The following PPP4R1 variants were observed in gnomAD, a reference collection of about 807,000 sequenced individuals.
PPP4R1 encodes protein phosphatase 4 regulatory subunit 1.
PPP4R1 carries 42 observed loss-of-function variants against 111.2 expected under a neutral mutation model. That is an observed-to-expected ratio of 0.38 (90% CI 0.29 to 0.49). PPP4R1 has a LOEUF of 0.49. Among genes scored for constraint, PPP4R1 ranks in the 20% least tolerant of loss-of-function variants. The pLI, the probability that PPP4R1 is intolerant of heterozygous loss-of-function variation, is 0.97. For missense variants in PPP4R1, 1,012 were observed against 1,161.6 expected (o/e 0.87, Z 1.87); for synonymous variants, 409 against 405.5 (o/e 1.01, Z -0.10).
chr18:9,563,112 T>G, intron 12 of PPP4R1: 1 of 1,151,330 alleles, frequency 8.7e-7, no homozygotes, highest in Non-Finnish European at 1.1e-6. Flanking sequence ...TAAGACTATT[T>G]CACTGCAGTG....
intron 10 of PPP4R1, among the ~76,000 whole-genome samples, chr18:9,572,231 G>C (rs1867606299): frequency 6.6e-6 from 1 of 152,168 alleles, no homozygotes; most frequent in African/African-American, 2.4e-5. Context: ...AACTCAGAAA[G>C]ATGTGTGGGG....
At chr18:9,615,982 A>G (rs1435172657), upstream of PPP4R1, among the ~76,000 whole-genome samples, 8 of 152,250 alleles carry the variant, frequency 5.3e-5, no homozygotes, top group Non-Finnish European at 1.2e-4. Flanking sequence ...AATAAAAATC[A>G]GAATAGACCC....
chr18:9,559,512 A>C lies in PPP4R1; in HGVS notation c.1935T>G (p.Cys645Trp). 6.2e-7 allele frequency: 1 copy of C among 1,613,984 alleles called. No homozygotes were observed. The highest frequency in any genetic ancestry group is 8.5e-7 in the Non-Finnish European group (1 of 1,179,928). The change falls in exon 14 of 20, where the codon TGT becomes TGG. Residue 645 changes from cysteine to tryptophan, a missense_variant. By Grantham distance (215) the Cys-to-Trp change is radical. Coordinates refer to ENST00000400556, the MANE Select transcript of PPP4R1 (RefSeq NM_001042388.3). Reference sequence around the variant, plus strand: ...AGGCCACACCAGGGAGGCTATATGCACAGTGCTTAGCAATTTCAGTGTCAA... The same window carrying C: ...AGGCCACACCAGGGAGGCTATATGCCCAGTGCTTAGCAATTTCAGTGTCAA... Reference protein sequence around the residue: ...QTVDTEIAKHCAYSLPGVALT... With the variant: ...QTVDTEIAKHWAYSLPGVALT...
intron 14 of PPP4R1, among the ~76,000 whole-genome samples, chr18:9,557,802 C>A (rs1410534163): frequency 6.6e-6 from 1 of 152,150 alleles, no homozygotes; most frequent in Non-Finnish European, 1.5e-5. Flanking sequence ...TAAGCTCTTC[C>A]ATACATAATT....
At chr18:9,607,433 A>C (rs1341715420) in intron 2 of PPP4R1, among the ~76,000 whole-genome samples, 2 of 152,132 alleles carry the variant, frequency 1.3e-5, no homozygotes, top group African/African-American at 4.8e-5. Context: ...ATGATGGTCC[A>C]TCTGCCTTTG....
At chr18:9,588,358 T>TTC in intron 5 of PPP4R1, 123 bp from the exon 6 acceptor site, 1 of 1,044,110 alleles carries the variant, frequency 9.6e-7, no homozygotes, top group Non-Finnish European at 1.4e-6. Context: ...ACTCCGCAAA[T>TTC]AAATATTTGT....
chr18:9,612,303 A>C (rs1196078769), intron 2 of PPP4R1, among the ~76,000 whole-genome samples: 1 of 152,222 alleles, frequency 6.6e-6, no homozygotes, highest in Non-Finnish European at 1.5e-5. Flanking sequence ...TGAGTTGCCC[A>C]AGTCTGCCCA....
chr18:9,580,160 C>T (rs1358755152), intron 9 of PPP4R1, among the ~76,000 whole-genome samples: 2 of 152,098 alleles, frequency 1.3e-5, no homozygotes, highest in African/African-American at 4.8e-5. Flanking sequence ...ATGCAAAGGT[C>T]CTGAGATTGA....
At chr18:9,557,753 C>T (rs747958450) in intron 14 of PPP4R1, among the ~76,000 whole-genome samples, 3 of 152,134 alleles carry the variant, frequency 2.0e-5, no homozygotes, top group Admixed American at 6.5e-5. Flanking sequence ...CTAGAACATG[C>T]CGACGTACTG....
At chr18:9,564,697 G>GGTGTGTGT (rs1178823297) in intron 11 of PPP4R1, among the ~76,000 whole-genome samples, 4,350 of 93,444 alleles carry the variant, frequency 0.047, 95 homozygotes, top group Middle Eastern at 0.08. Flanking sequence ...TAAAGTGCAT[G>GGTGTGTGT]GTGTGTGTGT....
rs1460194496 is a variant in PPP4R1 at position 9,614,333 on chromosome 18, C to T, written c.8-63G>A. 1.9e-5 allele frequency: 20 copies of T among 1,056,088 alleles called. No individual in the cohort carries two copies. The highest frequency in any genetic ancestry group is 1.9e-5 in the Non-Finnish European group (16 of 859,398). 65.4% of individuals were successfully genotyped at this position (1,056,088 alleles called of 1,614,324 possible). A position where few individuals can be genotyped will look rare whatever the true frequency, so the allele number is the denominator to read the frequency against. On this transcript the variant is annotated intron_variant, in intron 1 of 19. Coordinates refer to ENST00000400556, the MANE Select transcript of PPP4R1 (RefSeq NM_001042388.3). This position sits in a 1 kb window ranked among gnomAD's most constrained non-coding sequence, Gnocchi z 4.1. ...CCCGGGGCCCGGCGCGACGCCCCCC[C>T]CCCGCCCGCCTCCCCCCCGCCCCGG...
intron 9 of PPP4R1, among the ~76,000 whole-genome samples, chr18:9,577,444 C>T (rs538172463): frequency 1.4e-4 from 21 of 152,132 alleles, no homozygotes; most frequent in Non-Finnish European, 2.5e-4. Flanking sequence ...CTGGGCAGAT[C>T]GCTTGAGTCC....
At chr18:9,601,782 C>A (rs1247983911) in intron 2 of PPP4R1, among the ~76,000 whole-genome samples, 1 of 152,040 alleles carries the variant, frequency 6.6e-6, no homozygotes, top group Non-Finnish European at 1.5e-5. Flanking sequence ...CGTGAGCCAC[C>A]GTGCCTGGCC....
upstream of PPP4R1, among the ~76,000 whole-genome samples, chr18:9,616,489 G>A (rs1339288562): frequency 6.6e-6 from 1 of 151,870 alleles, no homozygotes; most frequent in Admixed American, 6.6e-5. Flanking sequence ...GCCCAGGTGG[G>A]TCTTGAACTC....
chr18:9,591,500 G>T (rs993129590), intron 4 of PPP4R1, among the ~76,000 whole-genome samples: 1 of 151,990 alleles, frequency 6.6e-6, no homozygotes, highest in Admixed American at 6.6e-5. Flanking sequence ...AAATTTTGGG[G>T]AATAAAAAAA....
intron 4 of PPP4R1, among the ~76,000 whole-genome samples, chr18:9,591,965 G>A (rs2067218954): frequency 6.6e-6 from 1 of 152,178 alleles, no homozygotes; most frequent in African/African-American, 2.4e-5. Flanking sequence ...TATTCGAGAG[G>A]CTGAGGCAGG....
intron 19 of PPP4R1, among the ~76,000 whole-genome samples, chr18:9,548,291 A>C (rs2066431086): frequency 6.6e-6 from 1 of 152,000 alleles, no homozygotes; most frequent in Admixed American, 6.6e-5. Context: ...ACAAAAAAAA[A>C]AAAAGGAGAA....
chr18:9,580,717 C>T (rs2067015158), intron 9 of PPP4R1, among the ~76,000 whole-genome samples: 2 of 152,186 alleles, frequency 1.3e-5, no homozygotes, highest in South Asian at 2.1e-4. Flanking sequence ...TAGCCAAGCA[C>T]ACTGGGGTCT....
chr18:9,574,042 A>T (rs1469860145), intron 10 of PPP4R1, among the ~76,000 whole-genome samples: 1 of 152,230 alleles, frequency 6.6e-6, no homozygotes. Context: ...AATAGTCAAT[A>T]CAAAATCAAG....
Sources: gnomAD v4.1 joint callset for allele counts (sites outside exome capture counted in the v4.1 genomes callset) on GRCh38, gnomAD v4.1.1 for gene constraint, Gnocchi (gnomAD v3.1) non-coding constraint, MANE v1.5 for transcripts, NCBI Gene and HGNC (gene_info 2026-07-23, HGNC 2026-07-21) for gene names.